The following NTM variants were observed in gnomAD, a reference collection of about 807,000 sequenced individuals.
NTM encodes IgLON family member 2.
Under a neutral mutation model 42.1 loss-of-function variants are expected in NTM, and 13 were observed. The ratio of observed to expected loss-of-function variants is 0.31; its 90% CI spans 0.20 to 0.49. The LOEUF (loss-of-function observed/expected upper bound fraction) is 0.49. NTM is among the 20% of genes least tolerant of loss of function. The pLI is 0.99. For synonymous variants in NTM, 187 were observed against 179.2 expected (o/e 1.04, Z -0.35); for missense variants, 373 against 452.8 (o/e 0.82, Z 1.60).
At chr11:132,269,673 A>G (rs1238443163) in intron 4 of NTM, among the ~76,000 whole-genome samples, 1 of 152,238 alleles carries the variant, frequency 6.6e-6, no homozygotes, top group African/African-American at 2.4e-5. Flanking sequence ...TCTTCATGAC[A>G]TGATACTGAC....
At chr11:131,998,771 C>T (rs2068616228) in intron 2 of NTM, among the ~76,000 whole-genome samples, 1 of 152,094 alleles carries the variant, frequency 6.6e-6, no homozygotes, top group Non-Finnish European at 1.5e-5. Context: ...TGTTATACCC[C>T]TACAGTGGGC....
At chr11:131,818,815 C>T (rs1439829065) in intron 1 of NTM, among the ~76,000 whole-genome samples, 7 of 152,088 alleles carry the variant, frequency 4.6e-5, no homozygotes, top group African/African-American at 7.2e-5. Context: ...ATGGGAATTA[C>T]GAGGTCTTCT....
intron 1 of NTM, among the ~76,000 whole-genome samples, chr11:131,871,047 A>G (rs191160640): frequency 1.3e-5 from 2 of 152,324 alleles, no homozygotes; most frequent in East Asian, 3.9e-4. Flanking sequence ...TGAAAGCACC[A>G]TTACATTTTT....
chr11:131,505,385 C>T (rs1250763830), intron 1 of NTM, among the ~76,000 whole-genome samples: 4 of 152,150 alleles, frequency 2.6e-5, no homozygotes, highest in Admixed American at 6.5e-5. Flanking sequence ...AAGTATGGTT[C>T]CCCAAACAGC....
chr11:131,669,345 C>T (rs370277704), intron 1 of NTM, among the ~76,000 whole-genome samples: 3 of 152,182 alleles, frequency 2.0e-5, no homozygotes, highest in African/African-American at 4.8e-5. Context: ...GGAAAAGTCC[C>T]GTAGCCTGGT....
intron 1 of NTM, among the ~76,000 whole-genome samples, chr11:131,870,102 G>C (rs533423397): frequency 1.3e-5 from 2 of 152,178 alleles, no homozygotes; most frequent in Admixed American, 6.5e-5. Flanking sequence ...ATTCTGGCTC[G>C]AGTCTTTGCT....
intron 4 of NTM, among the ~76,000 whole-genome samples, chr11:132,231,622 A>G (rs1247119437): frequency 6.6e-6 from 1 of 152,208 alleles, no homozygotes; most frequent in Non-Finnish European, 1.5e-5. Context: ...AGGGCATTTT[A>G]TTCAAAATGT....
At chr11:131,545,639 G>C (rs985936205) in intron 1 of NTM, among the ~76,000 whole-genome samples, 2 of 152,158 alleles carry the variant, frequency 1.3e-5, no homozygotes, top group Non-Finnish European at 2.9e-5. Context: ...CAAAGGGAGA[G>C]AGACATGAAA....
intron 2 of NTM, among the ~76,000 whole-genome samples, chr11:131,933,943 G>C (rs181127406): frequency 6.6e-6 from 1 of 151,980 alleles, no homozygotes; most frequent in African/African-American, 2.4e-5. Context: ...TCAGAGCCCC[G>C]TGACCATCCC....
intron 1 of NTM, among the ~76,000 whole-genome samples, chr11:131,886,604 C>T (rs1384833134): frequency 6.6e-6 from 1 of 152,206 alleles, no homozygotes; most frequent in African/African-American, 2.4e-5. Flanking sequence ...CTTGCTAACT[C>T]GGCAGGGATT....
At chr11:131,893,865 C>T (rs1390512216) in intron 1 of NTM, among the ~76,000 whole-genome samples, 1 of 152,142 alleles carries the variant, frequency 6.6e-6, no homozygotes, top group African/African-American at 2.4e-5. Flanking sequence ...TCTCTCACAC[C>T]ATCACCTAAC....
At chr11:132,060,715 C>T (rs2080523640) in intron 2 of NTM, among the ~76,000 whole-genome samples, 2 of 152,180 alleles carry the variant, frequency 1.3e-5, no homozygotes, top group Non-Finnish European at 2.9e-5. Context: ...TGTGCGGTTG[C>T]AGGCTCTGCT....
intron 1 of NTM, among the ~76,000 whole-genome samples, chr11:131,788,883 G>A (rs1222309617): frequency 4.6e-5 from 7 of 152,118 alleles, no homozygotes; most frequent in Admixed American, 1.3e-4. Flanking sequence ...TCTCTCCGTG[G>A]CCACCTGGGA....
intron 4 of NTM, among the ~76,000 whole-genome samples, chr11:132,235,473 A>G (rs986782051): frequency 1.3e-5 from 2 of 152,216 alleles, no homozygotes; most frequent in African/African-American, 4.8e-5. Flanking sequence ...GCAGATGCCT[A>G]GAATGTAGTA....
chr11:131,828,221 A>G (rs1380193271), intron 1 of NTM, among the ~76,000 whole-genome samples: 1 of 152,180 alleles, frequency 6.6e-6, no homozygotes, highest in East Asian at 1.9e-4. Context: ...CGTAGCAAGT[A>G]CGTAGTAAAT....
At position 131,789,636 on chromosome 11, in the gene NTM, A is replaced by AGAAGAAGAAGAAGAAG. The variant is rs1555127949; in HGVS notation, c.83-121928_83-121927insGAAGAAGAAGAAGAAG. ...AAGAAGAAGAAGAAGAAGAAGAAGA[A>AGAAGAAGAAGAAGAAG]AAGAAGAAGAAGAAGAAGAAGAAGA... On this transcript the variant is annotated intron_variant, in intron 1 of 8. Coordinates refer to ENST00000683400, the MANE Select transcript of NTM (RefSeq NM_001352005.2). 3.5e-3 allele frequency among the ~76,000 whole-genome samples: 109 copies of AGAAGAAGAAGAAGAAG among 30,898 alleles called. 17 individuals carry two copies. The highest frequency in any genetic ancestry group is 0.013 in the Middle Eastern group (1 of 80). The allele number at this position is 30,898 out of a possible 152,430, so 20.3% of individuals were successfully genotyped here. A position where few individuals can be genotyped will look rare whatever the true frequency, so the allele number is the denominator to read the frequency against.
chr11:131,767,780 G>GAC (rs2085352688), intron 1 of NTM, among the ~76,000 whole-genome samples: 1 of 152,162 alleles, frequency 6.6e-6, no homozygotes, highest in Non-Finnish European at 1.5e-5. Flanking sequence ...CCATTTGCCC[G>GAC]ACACATGGCA....
intron 1 of NTM, among the ~76,000 whole-genome samples, chr11:131,444,682 G>T (rs184419066): frequency 1.3e-5 from 2 of 152,246 alleles, no homozygotes; most frequent in South Asian, 2.1e-4. Flanking sequence ...GTTGTGGGGG[G>T]TGTGGCACAG....
At chr11:131,777,070 A>G in intron 1 of NTM, 2 of 952,386 alleles carry the variant, frequency 2.1e-6, no homozygotes, top group Non-Finnish European at 2.5e-6. Context: ...TGCCATACAT[A>G]GAAAAGGTGT....
Sources: allele counts gnomAD v4.1 joint callset (sites outside exome capture counted in the v4.1 genomes callset), GRCh38; gene constraint gnomAD v4.1.1; transcripts MANE v1.5; gene names NCBI Gene and HGNC (gene_info 2026-07-23, HGNC 2026-07-21).